The following TTLL5 variants were observed in gnomAD, a reference collection of about 807,000 sequenced individuals.
TTLL5 encodes the protein tubulin polyglutamylase TTLL5.
TTLL5 carries 132 observed loss-of-function variants against 168.4 expected under a neutral mutation model. The observed-to-expected ratio is 0.78, with a 90% CI of 0.68 to 0.91. The LOEUF is 0.91. Ranked by LOEUF, TTLL5 falls within the 40% of genes least tolerant of loss-of-function variation. TTLL5 has a pLI of 0.00. For synonymous variants in TTLL5, 546 were observed against 558.6 expected (o/e 0.98, Z 0.32); for missense variants, 1,545 against 1,581.5 (o/e 0.98, Z 0.39).
chr14:75,932,861 T>C (rs1232082132), intron 31 of TTLL5, among the ~76,000 whole-genome samples: 3 of 152,246 alleles, frequency 2.0e-5, no homozygotes, highest in Admixed American at 6.5e-5. Context: ...ATACTGCCTG[T>C]GAGAGCGTTG....
At chr14:75,686,203 A>G (rs975279453) in intron 5 of TTLL5, among the ~76,000 whole-genome samples, 6 of 152,234 alleles carry the variant, frequency 3.9e-5, no homozygotes, top group African/African-American at 7.2e-5. Context: ...TCATAGATCA[A>G]TGAGTCCAGT....
At chr14:75,907,734 CTT>C (rs1174011542) in intron 31 of TTLL5, among the ~76,000 whole-genome samples, 1 of 152,208 alleles carries the variant, frequency 6.6e-6, no homozygotes, top group Non-Finnish European at 1.5e-5. Flanking sequence ...AACCAGAGTT[CTT>C]TTGGTAATTC....
chr14:75,934,532 T>A (rs188768259), intron 31 of TTLL5, among the ~76,000 whole-genome samples: 1 of 152,296 alleles, frequency 6.6e-6, no homozygotes, highest in East Asian at 1.9e-4. Flanking sequence ...GAAGAACATT[T>A]TAATGGACTA....
chr14:75,750,003 A>T (rs1889850128), intron 17 of TTLL5, among the ~76,000 whole-genome samples: 2 of 152,074 alleles, frequency 1.3e-5, no homozygotes, highest in African/African-American at 4.8e-5. Flanking sequence ...GCTTTTTGTA[A>T]TTTTAATGTA....
At chr14:75,743,814 C>A (rs912247457) in intron 15 of TTLL5, among the ~76,000 whole-genome samples, 2 of 151,980 alleles carry the variant, frequency 1.3e-5, no homozygotes, top group African/African-American at 4.8e-5. Context: ...ATCTCCTGAC[C>A]TTGTGATCTG....
chr14:75,836,490 A>G (rs1025973551), intron 28 of TTLL5, among the ~76,000 whole-genome samples: 1 of 152,170 alleles, frequency 6.6e-6, no homozygotes, highest in Admixed American at 6.5e-5. Context: ...TTGCTAGCAT[A>G]CCAAGGTGAC....
chr14:75,929,649 C>T lies in TTLL5; in HGVS notation c.3824-24775C>T, dbSNP rs576456255. ...TGTATTTTTAGTAGAGACAGGGTTTCGCCATGTTGGCCAGGCTGGTCTTGA... is the reference window on the plus strand; with the variant it reads ...TGTATTTTTAGTAGAGACAGGGTTTTGCCATGTTGGCCAGGCTGGTCTTGA... On this transcript the variant is annotated intron_variant, in intron 31 of 31. Coordinates refer to ENST00000298832, the MANE Select transcript of TTLL5 (RefSeq NM_015072.5). 2.0e-4 allele frequency among the ~76,000 whole-genome samples: 30 copies of T among 152,108 alleles called. No homozygotes were observed. The East Asian group carries it at 5.4e-3, about 27-fold the overall frequency.
rs1331699935 is a variant in TTLL5 at position 75,783,206 on chromosome 14, C to G, written c.2662C>G (p.Pro888Ala). 2 of 1,613,956 alleles carry G rather than the reference C, an allele frequency of 1.2e-6. No homozygotes were observed. The highest frequency in any genetic ancestry group is 2.7e-5 in the African/African-American group (2 of 74,920). The change falls in exon 26 of 32, where the codon CCT becomes GCT. Residue 888 changes from proline (P) to alanine (A), a missense_variant. Coordinates refer to ENST00000298832, the MANE Select transcript of TTLL5 (RefSeq NM_015072.5). ...AGTTTATAGCAATTCCTCCTCTGGT[C>G]CTACTGCTACTCTGCAGAAAATTCC... ...KLVYSNSSSG[P>A]TATLQKIPNT... is the part of the protein sequence containing the mutation.
At chr14:75,853,796 C>A (rs1417717836) in intron 28 of TTLL5, among the ~76,000 whole-genome samples, 2 of 152,188 alleles carry the variant, frequency 1.3e-5, no homozygotes, top group Non-Finnish European at 2.9e-5. Context: ...GTAATCCCAG[C>A]ACTTTGGGAG....
intron 27 of TTLL5, among the ~76,000 whole-genome samples, chr14:75,793,677 G>A (rs1423560725): frequency 6.6e-6 from 1 of 152,144 alleles, no homozygotes; most frequent in Non-Finnish European, 1.5e-5. Flanking sequence ...ATAAATAACA[G>A]GATATTGTCC....
chr14:75,846,978 G>T (rs1896582446), intron 28 of TTLL5, among the ~76,000 whole-genome samples: 1 of 151,862 alleles, frequency 6.6e-6, no homozygotes, highest in Non-Finnish European at 1.5e-5. Context: ...GAATTACATT[G>T]GATTAAGTTC....
At chr14:75,809,427 G>T (rs1893856706) in intron 27 of TTLL5, among the ~76,000 whole-genome samples, 1 of 152,168 alleles carries the variant, frequency 6.6e-6, no homozygotes, top group Admixed American at 6.5e-5. Flanking sequence ...ATGAAGGCAA[G>T]GATTTGGGGG....
intron 31 of TTLL5, among the ~76,000 whole-genome samples, chr14:75,926,954 A>G (rs956619444): frequency 1.3e-5 from 2 of 152,228 alleles, no homozygotes; most frequent in Non-Finnish European, 2.9e-5. Context: ...AATGCAGTGT[A>G]TATATACAGA....
At chr14:75,731,370 TACATAC>T (rs1161920191) in intron 12 of TTLL5, among the ~76,000 whole-genome samples, 93 of 78,640 alleles carry the variant, frequency 1.2e-3, no homozygotes, top group Middle Eastern at 0.015. Context: ...AATATACACA[TACATAC>T]ACACACACAC....
intron 31 of TTLL5, among the ~76,000 whole-genome samples, chr14:75,904,608 C>A (rs973790033): frequency 5.9e-5 from 9 of 152,144 alleles, no homozygotes; most frequent in African/African-American, 2.2e-4. Flanking sequence ...GGCACTCATA[C>A]TGAACTTGGT....
chr14:75,897,601 C>T (rs2032729050), intron 30 of TTLL5, among the ~76,000 whole-genome samples: 1 of 152,060 alleles, frequency 6.6e-6, no homozygotes, highest in Admixed American at 6.6e-5. Flanking sequence ...CTCAGCCTCC[C>T]AAGTAGCTGG....
At chr14:75,757,704 G>A (rs947091275) in intron 18 of TTLL5, 1 of 632,446 alleles carries the variant, frequency 1.6e-6, no homozygotes, top group Non-Finnish European at 2.5e-6. Flanking sequence ...CTGCAAAGAT[G>A]CCCTCCTTGG....
chr14:75,692,090 T>C (rs1208255312), intron 6 of TTLL5, among the ~76,000 whole-genome samples: 1 of 152,234 alleles, frequency 6.6e-6, no homozygotes, highest in East Asian at 1.9e-4. Context: ...TTTTTTGCTA[T>C]GTGACTTTAG....
intron 6 of TTLL5, among the ~76,000 whole-genome samples, chr14:75,694,278 T>A (rs1255896133): frequency 6.6e-6 from 1 of 152,224 alleles, no homozygotes; most frequent in Non-Finnish European, 1.5e-5. Context: ...AAGACAGTCT[T>A]TGATATTTAG....
Sources: gnomAD v4.1 joint callset for allele counts (sites outside exome capture counted in the v4.1 genomes callset) on GRCh38, gnomAD v4.1.1 for gene constraint, MANE v1.5 for transcripts, NCBI Gene and HGNC (gene_info 2026-07-23, HGNC 2026-07-21) for gene names.